Variants in DHRS2 observed in about 807,000 individuals in gnomAD.
The protein encoded by DHRS2 is dehydrogenase/reductase SDR family member 2, mitochondrial.
Under a neutral mutation model 26.3 loss-of-function variants are expected in DHRS2, and 29 were observed. The ratio of observed to expected loss-of-function variants is 1.10; its 90% CI spans 0.82 to 1.50. The LOEUF (loss-of-function observed/expected upper bound fraction) is 1.50. Ranked by LOEUF, DHRS2 falls within the 40% of genes most tolerant of loss-of-function variation. DHRS2 has a pLI of 0.00. For synonymous variants in DHRS2, 164 were observed against 151.3 expected (o/e 1.08, Z -0.62); for missense variants, 439 against 367.1 (o/e 1.20, Z -1.60).
upstream of DHRS2, among the ~76,000 whole-genome samples, chr14:23,634,538 A>C (rs141357095): frequency 3.1e-3 from 470 of 152,214 alleles, 2 homozygotes; most frequent in African/African-American, 0.011. Context: ...TGTGGACTCA[A>C]ATAATATGTA....
chr14:23,634,716 A>T (rs963012633), upstream of DHRS2, among the ~76,000 whole-genome samples: 2 of 152,082 alleles, frequency 1.3e-5, no homozygotes, highest in Non-Finnish European at 2.9e-5. Flanking sequence ...ATAGACTTTG[A>T]TATGGTTTAG....
chr14:23,639,202 G>C lies in DHRS2; in HGVS notation c.164G>C (p.Arg55Pro). ...TSGIGFAIAR[R>P]LARDGAHVVI... ...AGGATCGGCTTTGCCATCGCCCGAC[G>C]TCTGGCCCGGGACGGGGCCCACGTG... The change falls in exon 3 of 9, where the codon CGT becomes CCT. Residue 55 changes from arginine (R) to proline (P), a missense_variant. Physicochemically the swap from Arg to Pro is moderately radical, Grantham distance 103 (BLOSUM62 -2). Coordinates refer to ENST00000250383, the MANE Select transcript of DHRS2 (RefSeq NM_005794.4). 6.2e-7 allele frequency: 1 copy of C among 1,613,816 alleles called. No individual in the cohort carries two copies. The highest frequency in any genetic ancestry group is 8.5e-7 in the Non-Finnish European group (1 of 1,179,926).
chr14:23,645,302 A>AG lies in DHRS2; in HGVS notation c.*54dup, dbSNP rs772068007. 3.7e-6 allele frequency: 6 copies of AG among 1,612,792 alleles called. No homozygotes were observed. The highest frequency in any genetic ancestry group is 1.1e-5 in the South Asian group (1 of 91,066). The stretch of plus-strand genomic sequence containing the variant: ...CTGTGGTCCCAGGCCCAGGAGCCTG[A>AG]GGGGGTGTCTAGGTGATCATTTGGA... On this transcript the variant is annotated 3_prime_UTR_variant, in exon 9 of 9. Transcript: ENST00000250383.
intron 4 of DHRS2, chr14:23,642,072 T>C: frequency 4.7e-6 from 5 of 1,070,188 alleles, no homozygotes; most frequent in Non-Finnish European, 5.7e-6. Context: ...TGTCAGGACA[T>C]GTGTGACTTA....
At chr14:23,642,306 C>T (rs1890701172) in intron 4 of DHRS2, 2 of 289,098 alleles carry the variant, frequency 6.9e-6, no homozygotes, top group Admixed American at 1.3e-4. Context: ...AGGCACCAAC[C>T]TCACTCTTGC....
At chr14:23,643,006 C>T in intron 4 of DHRS2, 146 bp from the exon 5 acceptor site, 1 of 758,448 alleles carries the variant, frequency 1.3e-6, no homozygotes, top group Non-Finnish European at 2.2e-6. Context: ...ATACCTCTTG[C>T]ACCAGTCAGA....
chr14:23,636,963 T>G lies in DHRS2; in HGVS notation c.-39+191T>G, dbSNP rs147652974. Among the ~76,000 whole-genome samples, 467 of 152,276 alleles carry G rather than the reference T, an allele frequency of 3.1e-3. 2 individuals are homozygous for G. The highest frequency in any genetic ancestry group is 0.011 in the African/African-American group (451 of 41,558). On this transcript the variant is annotated intron_variant, in intron 1 of 8. Coordinates refer to ENST00000250383, the MANE Select transcript of DHRS2 (RefSeq NM_005794.4). ...TGGCTCTGTGGAGTTGGGAATGTTG[T>G]TTTGCCTGGAACCAGCTTCCGCTTT...
rs1890728268 is a variant in DHRS2 at position 23,642,990 on chromosome 14, T to G, written c.421-162T>G. Reference sequence around the variant, plus strand: ...GCCTGCCTATGAAACCATTAGCAAATTGGAAATACCTCTTGCACCAGTCAG... The same window carrying G: ...GCCTGCCTATGAAACCATTAGCAAAGTGGAAATACCTCTTGCACCAGTCAG... On this transcript the variant is annotated intron_variant, in intron 4 of 8. Transcript: ENST00000250383. The G allele has an allele frequency of 4.4e-6, 3 of 680,886 alleles. No individual in the cohort carries two copies. The East Asian group carries it at 7.9e-5, about 18-fold the overall frequency. 42.2% of individuals were successfully genotyped at this position (680,886 alleles called of 1,614,324 possible). A position where few individuals can be genotyped will look rare whatever the true frequency, so the allele number is the denominator to read the frequency against.
intron 7 of DHRS2, 83 bp downstream of exon 7, chr14:23,644,626 A>C (rs1466710214): frequency 1.2e-6 from 2 of 1,602,276 alleles, no homozygotes; most frequent in East Asian, 4.5e-5. Flanking sequence ...GGGGTGACTG[A>C]ATCCTTAGGT....
chr14:23,645,354 C>A lies in DHRS2; in HGVS notation c.*101C>A. The A allele has an allele frequency of 6.3e-7, 1 of 1,596,952 alleles. No homozygotes were observed. The highest frequency in any genetic ancestry group is 8.5e-7 in the Non-Finnish European group (1 of 1,174,318). ...CTGGAGGCAGAGTCTGCCATTCTGC[C>A]AGACTAGCAATTTGGGGGCTTACTC... On this transcript the variant is annotated 3_prime_UTR_variant, in exon 9 of 9. Coordinates refer to ENST00000250383, the MANE Select transcript of DHRS2 (RefSeq NM_005794.4).
Position 23,639,164 on chromosome 14 carries a change from CA to C in DHRS2, c.141-14del, listed in dbSNP as rs1414865506. 2 of 1,611,164 alleles carry C rather than the reference CA, an allele frequency of 1.2e-6. No individual in the cohort carries two copies. The highest frequency in any genetic ancestry group is 2.7e-5 in the African/African-American group (2 of 74,894). ...GAGGCTGAGGCTGACTTTTGCCCTC[CA>C]TCTCTGCATTCAGGATCGGCTTTGC... is the stretch of plus-strand genomic sequence containing the variant. On this transcript the variant is annotated splice_polypyrimidine_tract_variant and intron_variant, in intron 2 of 8. Transcript: ENST00000250383.
Position 23,644,825 on chromosome 14 carries a change from A to G in DHRS2, c.676-2A>G. On this transcript the variant is annotated splice_acceptor_variant, in intron 7 of 8. Transcript: ENST00000250383. LOFTEE classifies it high-confidence loss of function. ...ACTCCTTCATTTCTTCCCTTTGCCCAGTTTCATGGGAATGAGTCTCTCTGG... is the reference window on the plus strand; with the variant it reads ...ACTCCTTCATTTCTTCCCTTTGCCCGGTTTCATGGGAATGAGTCTCTCTGG... The G allele has an allele frequency of 1.2e-6, 2 of 1,614,182 alleles. No homozygotes were observed. The highest frequency in any genetic ancestry group is 1.7e-6 in the Non-Finnish European group (2 of 1,180,012).
chr14:23,639,072 G>A (rs1890500442), intron 2 of DHRS2, 68 bp downstream of exon 2: 1 of 1,595,932 alleles, frequency 6.3e-7, no homozygotes, highest in Admixed American at 1.7e-5. Flanking sequence ...AAGGACTCAG[G>A]GTTTTAAAGC....
chr14:23,643,476 T>G, intron 5 of DHRS2: 1 of 496,046 alleles, frequency 2.0e-6, no homozygotes, highest in African/African-American at 1.9e-5. Context: ...GACAAGGCTA[T>G]GCTTTAACTC....
At chr14:23,635,751 G>T (rs1260327296), upstream of DHRS2, among the ~76,000 whole-genome samples, 1 of 152,374 alleles carries the variant, frequency 6.6e-6, no homozygotes, top group South Asian at 2.1e-4. Context: ...CCCTCTCTGG[G>T]GCTGGCCAAG....
intron 5 of DHRS2, 94 bp from the exon 6 acceptor site, chr14:23,644,017 C>A: frequency 7.7e-7 from 1 of 1,304,476 alleles, no homozygotes; most frequent in African/African-American, 1.5e-5. Context: ...TGTGTTGCTT[C>A]TGTGAGGGTT....
intron 1 of DHRS2, among the ~76,000 whole-genome samples, chr14:23,630,495 G>GATAC (rs1890091311): frequency 6.6e-6 from 1 of 152,224 alleles, no homozygotes; most frequent in African/African-American, 2.4e-5. Flanking sequence ...ATTTTACTGT[G>GATAC]ATACAGATGG....
rs762880645 is a variant in DHRS2 at position 23,639,930 on chromosome 14, C to G, written c.420+35C>G. ...CTCCCCTGGGGAGGCGGCTGAGGGC[C>G]CGATTCCAGCTCTGCACTGGGCTCC... On this transcript the variant is annotated intron_variant, in intron 4 of 8. Transcript: ENST00000250383. The G allele has an allele frequency of 4.0e-6, 6 of 1,514,788 alleles. No homozygotes were observed. The Admixed American group carries it at 1.0e-4, about 26-fold the overall frequency. The allele number at this position is 1,514,788 out of a possible 1,614,324, so 93.8% of individuals were successfully genotyped here.
In DHRS2 at chr14:23,639,290, G is replaced by T. The variant is rs1353946678; in HGVS notation, c.252G>T (p.Gly84=). 2 of 1,604,500 alleles carry T rather than the reference G, an allele frequency of 1.2e-6. No homozygotes were observed. The highest frequency in any genetic ancestry group is 2.2e-5 in the East Asian group (1 of 44,858). The change falls in exon 3 of 9, where the codon GGG becomes GGT. Residue 84 remains glycine (G), a synonymous_variant. Coordinates refer to ENST00000250383, the MANE Select transcript of DHRS2 (RefSeq NM_005794.4). The stretch of plus-strand genomic sequence containing the variant: ...CCATGGCCAAGCTGCAGGGGGAGGG[G>T]CTGAGTGTGGCGGGCATTGTGTGCC... ...DRAMAKLQGE[G]LSVAGIVCHV... is the part of the protein sequence containing the mutation.
Sources: gnomAD v4.1 joint callset for allele counts (sites outside exome capture counted in the v4.1 genomes callset) on GRCh38, gnomAD v4.1.1 for gene constraint, MANE v1.5 for transcripts, NCBI Gene and HGNC (gene_info 2026-07-23, HGNC 2026-07-21) for gene names.